Variants in SUPT20H observed in about 807,000 individuals in gnomAD.
SUPT20H encodes the protein transcription factor SPT20 homolog.
A neutral mutation model predicts 122.8 loss-of-function variants in SUPT20H; 82 were observed. The observed-to-expected ratio is 0.67, with a 90% CI of 0.56 to 0.80. The LOEUF is 0.80. Ranked by LOEUF, SUPT20H falls within the 30% of genes least tolerant of loss-of-function variation. The pLI is 0.00. For synonymous variants in SUPT20H, 291 were observed against 313.0 expected (o/e 0.93, Z 0.74); for missense variants, 831 against 921.6 (o/e 0.90, Z 1.27).
chr13:37,021,862 A>C (rs2061499040), intron 20 of SUPT20H, 149 bp downstream of exon 20: 3 of 962,848 alleles, frequency 3.1e-6, no homozygotes, highest in Non-Finnish European at 4.5e-6. Context: ...TAAAACATAC[A>C]TGGTCAGGCA....
chr13:37,041,446 C>A (rs896152574), intron 7 of SUPT20H, among the ~76,000 whole-genome samples: 1 of 149,362 alleles, frequency 6.7e-6, no homozygotes, highest in African/African-American at 2.5e-5. Context: ...TGAACCCAGG[C>A]GGTGGGGCTT....
chr13:37,016,551 C>T (rs1274878211), intron 23 of SUPT20H, among the ~76,000 whole-genome samples: 2 of 151,650 alleles, frequency 1.3e-5, no homozygotes, highest in South Asian at 2.1e-4. Flanking sequence ...AATGAAAAAA[C>T]AGTAAGTTTT....
intron 20 of SUPT20H, among the ~76,000 whole-genome samples, 196 bp downstream of exon 20, chr13:37,021,815 T>A (rs949797564): frequency 6.6e-6 from 1 of 152,156 alleles, no homozygotes; most frequent in South Asian, 2.1e-4. Flanking sequence ...AGATGAGATA[T>A]CATCTTAGTG....
At chr13:37,027,485 T>C (rs2062505544) in intron 14 of SUPT20H, among the ~76,000 whole-genome samples, 2 of 152,076 alleles carry the variant, frequency 1.3e-5, no homozygotes, top group South Asian at 4.1e-4. Context: ...TCTACTGTAG[T>C]TTCAATTAGT....
At chr13:37,054,914 CAA>C (rs1187579162) in intron 1 of SUPT20H, among the ~76,000 whole-genome samples, 2 of 152,216 alleles carry the variant, frequency 1.3e-5, no homozygotes, top group African/African-American at 4.8e-5. Flanking sequence ...GCAACTTCAG[CAA>C]AGTCTCAGGA....
intron 1 of SUPT20H, among the ~76,000 whole-genome samples, chr13:37,058,048 G>A (rs1227262071): frequency 6.7e-6 from 1 of 148,662 alleles, no homozygotes; most frequent in African/African-American, 2.5e-5. Context: ...TGGGTCACTT[G>A]AGGTCAGGAA....
intron 21 of SUPT20H, among the ~76,000 whole-genome samples, chr13:37,020,020 T>C (rs1288045007): frequency 4.6e-5 from 7 of 152,130 alleles, no homozygotes; most frequent in Admixed American, 4.6e-4. Flanking sequence ...CATGTGGGCT[T>C]TGTGAGCACA....
intron 2 of SUPT20H, 96 bp downstream of exon 2, chr13:37,051,392 A>C: frequency 1.5e-6 from 2 of 1,312,088 alleles, no homozygotes; most frequent in Non-Finnish European, 2.2e-6. Context: ...ACAGCTTACA[A>C]GAGTATTTCT....
At chr13:37,033,651 T>C (rs2063808281) in intron 9 of SUPT20H, 63 bp from the exon 10 acceptor site, 2 of 1,527,410 alleles carry the variant, frequency 1.3e-6, no homozygotes, top group Admixed American at 1.9e-5. Context: ...TAATCATATA[T>C]TGCACTTAAT....
chr13:37,051,470 T>C lies in SUPT20H; in HGVS notation c.3+18A>G, dbSNP rs774028706. On this transcript the variant is annotated intron_variant, in intron 2 of 25. Transcript: ENST00000350612. ...ACATTCTAAAACACAAATTTGAACATACTGAGCTGAAGCTTACCATTATGG... is the reference window on the plus strand; with the variant it reads ...ACATTCTAAAACACAAATTTGAACACACTGAGCTGAAGCTTACCATTATGG... The C allele has an allele frequency of 2.5e-6, 4 of 1,608,122 alleles. No homozygotes were observed. Among genetic ancestry groups the C allele is most frequent in the African/African-American group, 1.3e-5 (1 of 74,726 alleles).
At chr13:37,043,334 G>C (rs2065836335) in intron 7 of SUPT20H, among the ~76,000 whole-genome samples, 2 of 152,202 alleles carry the variant, frequency 1.3e-5, no homozygotes, top group African/African-American at 2.4e-5. Context: ...AGAGTACACA[G>C]TATGGCTGGG....
At chr13:37,041,409 T>G (rs1566286071) in intron 7 of SUPT20H, among the ~76,000 whole-genome samples, 2 of 151,454 alleles carry the variant, frequency 1.3e-5, no homozygotes, top group Non-Finnish European at 2.9e-5. Context: ...TCCCAGCTAC[T>G]CAGGAGGCTG....
At chr13:37,020,715 G>A (rs2061350996) in intron 21 of SUPT20H, among the ~76,000 whole-genome samples, 1 of 152,142 alleles carries the variant, frequency 6.6e-6, no homozygotes. Flanking sequence ...AACTAAGAAA[G>A]TTTTTAATAA....
Position 37,021,506 on chromosome 13 carries a change from G to C in SUPT20H, c.1758C>G (p.Pro586=). ...PAGINLSGLL[P]SGGLLPNALP... The stretch of plus-strand genomic sequence containing the variant: ...GTGCATTTGGTAGCAGACCTCCTGA[G>C]GGTAGAAGGCCGCTCAGGTTTATTC... The change falls in exon 21 of 26, where the codon CCC becomes CCG. Residue 586 remains proline (P), a synonymous_variant. Transcript: ENST00000350612. The C allele has an allele frequency of 6.2e-7, 1 of 1,613,938 alleles. No homozygotes were observed. Among genetic ancestry groups the C allele is most frequent in the Non-Finnish European group, 8.5e-7 (1 of 1,179,954 alleles).
intron 15 of SUPT20H, 51 bp from the exon 16 acceptor site, chr13:37,026,287 T>C: frequency 7.8e-7 from 1 of 1,280,290 alleles, no homozygotes; most frequent in Non-Finnish European, 1.0e-6. Context: ...GTAAGAGTTG[T>C]CTTAAGAAGG....
At chr13:37,028,556 A>C (rs2062730799) in intron 13 of SUPT20H, among the ~76,000 whole-genome samples, 1 of 152,188 alleles carries the variant, frequency 6.6e-6, no homozygotes, top group Admixed American at 6.5e-5. Context: ...ATGAACACAT[A>C]TGTAACAATA....
At chr13:37,026,181 A>AT (rs1233134374) in intron 16 of SUPT20H, 23 bp downstream of exon 16, 4 of 1,559,370 alleles carry the variant, frequency 2.6e-6, no homozygotes, top group Non-Finnish European at 3.4e-6. Context: ...CCTGACCAAA[A>AT]TAAGAGATGC....
At chr13:37,034,049 C>T (rs2063900123) in intron 9 of SUPT20H, among the ~76,000 whole-genome samples, 1 of 152,156 alleles carries the variant, frequency 6.6e-6, no homozygotes. Context: ...TTCACCGATC[C>T]ACCACTCCCC....
intron 1 of SUPT20H, among the ~76,000 whole-genome samples, chr13:37,057,409 T>C (rs1470968221): frequency 6.6e-6 from 1 of 151,828 alleles, no homozygotes; most frequent in African/African-American, 2.4e-5. Context: ...CTACTGGGTG[T>C]CTACACAGCT....
Sources: allele counts gnomAD v4.1 joint callset (sites outside exome capture counted in the v4.1 genomes callset), GRCh38; gene constraint gnomAD v4.1.1; transcripts MANE v1.5; gene names NCBI Gene and HGNC (gene_info 2026-07-23, HGNC 2026-07-21).